ADAM22: variants seen among roughly 807,000 people sequenced by gnomAD.
The protein encoded by ADAM22 is ADAM metallopeptidase domain 22, also known as disintegrin and metalloproteinase domain-containing protein 22.
In ADAM22, 65 loss-of-function variants were observed where a neutral mutation model predicts 144.6. The observed-to-expected ratio is 0.45, with a 90% confidence interval of 0.37 to 0.55. The LOEUF is 0.55. ADAM22 is among the 20% of genes least tolerant of loss of function. ADAM22 has a pLI of 0.00. For missense variants in ADAM22, 974 were observed against 1,184.9 expected (o/e 0.82, Z 2.61); for synonymous variants, 391 against 412.6 (o/e 0.95, Z 0.63).
intron 3 of ADAM22, among the ~76,000 whole-genome samples, chr7:88,026,225 A>G (rs1263682744): frequency 6.6e-6 from 1 of 152,230 alleles, no homozygotes; most frequent in African/African-American, 2.4e-5. Context: ...ACTGTACAGA[A>G]GCATGGCATC....
intron 2 of ADAM22, among the ~76,000 whole-genome samples, chr7:87,970,080 A>G (rs541108097): frequency 6.6e-6 from 1 of 152,326 alleles, no homozygotes; most frequent in East Asian, 1.9e-4. Context: ...TTAATCCCAT[A>G]TCTTGATGTG....
At position 87,978,367 on chromosome 7, in the gene ADAM22, T is replaced by C. The variant is rs1852414598; in HGVS notation, c.278T>C (p.Val93Ala). The change falls in exon 3 of 32, where the codon GTT (valine) becomes GCT (alanine). Residue 93 changes from valine (V) to alanine (A), a missense_variant. Val to Ala is a moderately conservative substitution (Grantham distance 64, BLOSUM62 0). Transcript: ENST00000413139. Reference protein sequence around the residue: ...LTHVDQASFQVDAFGTSFILD... With the variant: ...LTHVDQASFQADAFGTSFILD... ...CATGTTGACCAAGCAAGCTTCCAGG[T>C]TGATGCCTTTGGAACGTCATTCATT... is the stretch of plus-strand genomic sequence containing the variant. The C allele has an allele frequency of 6.2e-7, 1 of 1,613,752 alleles. No individual in the cohort carries two copies. Among genetic ancestry groups the C allele is most frequent in the East Asian group, 2.2e-5 (1 of 44,842 alleles).
In ADAM22 at chr7:87,982,066, TATACAC is replaced by T. The variant is rs1406215643; in HGVS notation, c.323+3656_323+3661del. Among the ~76,000 whole-genome samples the T allele has an allele frequency of 6.9e-3, 592 of 86,360 alleles. 3 individuals carry two copies. The highest frequency in any genetic ancestry group is 0.03 in the African/African-American group (559 of 18,342). 56.7% of individuals were successfully genotyped at this position (86,360 alleles called of 152,430 possible). A position where few individuals can be genotyped will look rare whatever the true frequency, so the allele number is the denominator to read the frequency against. On this transcript the variant is annotated intron_variant, in intron 3 of 31. Coordinates refer to ENST00000413139, the MANE Select transcript of ADAM22 (RefSeq NM_001324418.2). ...TTTCATATATATATATATATATATA[TATACAC>T]ACACACACACACACACACACACACA...
chr7:88,192,277 G>A (rs1849788995), intron 30 of ADAM22, among the ~76,000 whole-genome samples: 1 of 152,202 alleles, frequency 6.6e-6, no homozygotes, highest in South Asian at 2.1e-4. Context: ...AGCTACTACA[G>A]TTATCACATC....
rs1367143012 is a variant in ADAM22 at position 88,163,096 on chromosome 7, A to C, written c.1992A>C (p.Leu664Phe). The C allele has an allele frequency of 6.2e-7, 1 of 1,612,608 alleles. No homozygotes were observed. Among genetic ancestry groups the C allele is most frequent in the Admixed American group, 1.7e-5 (1 of 59,810 alleles). Reference protein sequence around the residue: ...GTPCGPQMMCLEHRCLPVASF... With the variant: ...GTPCGPQMMCFEHRCLPVASF... ...CTTGTGGTCCCCAAATGATGTGCTT[A>C]GAACACAGGTGTCTTCCTGTGGCTT... The change falls in exon 23 of 32, where the codon TTA (leucine) becomes TTC (phenylalanine). Residue 664 changes from leucine (L) to phenylalanine (F), a missense_variant. Leu to Phe is a conservative substitution (Grantham distance 22, BLOSUM62 0). Around this residue, in one of 2 missense-constraint regions of ADAM22, gnomAD observed 734 missense variants for 950.6 expected, o/e 0.77. Coordinates refer to ENST00000413139, the MANE Select transcript of ADAM22 (RefSeq NM_001324418.2).
At chr7:87,935,272 C>G in intron 2 of ADAM22, 86 bp downstream of exon 2, 1 of 1,404,492 alleles carries the variant, frequency 7.1e-7, no homozygotes, top group Non-Finnish European at 9.4e-7. Flanking sequence ...CCTGGAGATC[C>G]CATGTCTTCT....
chr7:87,952,382 T>C (rs1845463073), intron 2 of ADAM22, among the ~76,000 whole-genome samples: 1 of 152,226 alleles, frequency 6.6e-6, no homozygotes, highest in Non-Finnish European at 1.5e-5. Flanking sequence ...AGGCCTTTTC[T>C]GCATCTATTG....
intron 2 of ADAM22, among the ~76,000 whole-genome samples, chr7:87,965,154 T>C (rs1308859508): frequency 6.6e-6 from 1 of 152,178 alleles, no homozygotes; most frequent in Non-Finnish European, 1.5e-5. Flanking sequence ...GCTAGAATTC[T>C]CTTGTTTGGT....
At chr7:88,044,668 G>A (rs1007758197) in intron 3 of ADAM22, among the ~76,000 whole-genome samples, 6 of 151,746 alleles carry the variant, frequency 4.0e-5, no homozygotes, top group South Asian at 2.1e-4. Flanking sequence ...GGATGGTCTC[G>A]ATCTCCTGAC....
At chr7:87,938,255 G>A (rs1178464925) in intron 2 of ADAM22, among the ~76,000 whole-genome samples, 1 of 106,296 alleles carries the variant, frequency 9.4e-6, no homozygotes, top group African/African-American at 3.9e-5. Context: ...GTCTTGCTCT[G>A]TCACCCAGGC....
At chr7:88,143,614 T>C (rs1350704678) in intron 15 of ADAM22, among the ~76,000 whole-genome samples, 1 of 152,202 alleles carries the variant, frequency 6.6e-6, no homozygotes, top group Non-Finnish European at 1.5e-5. Context: ...GGAGAAAGTC[T>C]TGGACTTTGT....
At chr7:87,946,811 C>T (rs1461087623) in intron 2 of ADAM22, among the ~76,000 whole-genome samples, 3 of 152,182 alleles carry the variant, frequency 2.0e-5, no homozygotes, top group Non-Finnish European at 4.4e-5. Flanking sequence ...CCTAGGTGCT[C>T]ATTCATGGTG....
intron 7 of ADAM22, among the ~76,000 whole-genome samples, chr7:88,118,772 C>G (rs1828498789): frequency 6.6e-6 from 1 of 151,152 alleles, no homozygotes; most frequent in Non-Finnish European, 1.5e-5. Flanking sequence ...TAGACACATT[C>G]TTTAAAAACT....
chr7:88,054,237 AT>A (rs1807514983), intron 3 of ADAM22, among the ~76,000 whole-genome samples: 1 of 152,106 alleles, frequency 6.6e-6, no homozygotes. Context: ...CAGAAATGAA[AT>A]TGCTGAGTCA....
At chr7:88,090,941 T>G (rs1333349856) in intron 4 of ADAM22, among the ~76,000 whole-genome samples, 1 of 152,318 alleles carries the variant, frequency 6.6e-6, no homozygotes, top group East Asian at 1.9e-4. Context: ...GAATACTCAT[T>G]AATTTTCTCT....
chr7:88,047,965 AAAG>A (rs1219276641), intron 3 of ADAM22, among the ~76,000 whole-genome samples: 11 of 152,130 alleles, frequency 7.2e-5, no homozygotes, highest in East Asian at 1.9e-4. Flanking sequence ...TAGCAATAAA[AAAG>A]AAGTGAAATA....
intron 2 of ADAM22, among the ~76,000 whole-genome samples, chr7:87,946,140 A>T (rs753227292): frequency 6.6e-6 from 1 of 151,776 alleles, no homozygotes; most frequent in Non-Finnish European, 1.5e-5. Flanking sequence ...AGTGATGTTG[A>T]GCATTTTTTT....
At position 88,117,973 on chromosome 7, in the gene ADAM22, G is replaced by A. The variant is rs1240593709; in HGVS notation, c.607+1159G>A. On this transcript the variant is annotated intron_variant, in intron 7 of 31. Transcript: ENST00000413139. The stretch of plus-strand genomic sequence containing the variant: ...CTCCCAAAGTGCTGGGTTTACAGGC[G>A]TGAGCCACTGTGCCCGGCCTGATTA... 3.3e-5 allele frequency among the ~76,000 whole-genome samples: 5 copies of A among 152,184 alleles called. No homozygotes were observed. The East Asian group carries it at 5.8e-4, about 18-fold the overall frequency.
At chr7:88,186,140 T>C (rs1848254795) in intron 29 of ADAM22, 1 of 186,948 alleles carries the variant, frequency 5.3e-6, no homozygotes, top group Admixed American at 6.1e-5. Context: ...AAAGCCTTCT[T>C]ATATTGGAAA....
Sources: allele counts gnomAD v4.1 joint callset (sites outside exome capture counted in the v4.1 genomes callset), GRCh38; gene constraint gnomAD v4.1.1; regional missense constraint gnomAD v4.1.1; transcripts MANE v1.5; gene names NCBI Gene and HGNC (gene_info 2026-07-23, HGNC 2026-07-21).